Variants in CYP19A1 observed in about 807,000 individuals in gnomAD.
The protein encoded by CYP19A1 is aromatase.
In CYP19A1, 32 loss-of-function variants were observed where a neutral mutation model predicts 44.4. That is an observed-to-expected ratio of 0.72 (90% CI 0.54 to 0.97). The LOEUF is 0.97. Ranked by LOEUF, CYP19A1 falls within the 50% of genes least tolerant of loss-of-function variation. The pLI is 0.00. For synonymous variants in CYP19A1, 212 were observed against 215.6 expected, an observed-to-expected ratio of 0.98 and a Z score of 0.14; for missense variants, 598 against 637.8, an observed-to-expected ratio of 0.94 and a Z score of 0.67.
chr15:51,319,086 C>T (rs2036482028), intron 1 of CYP19A1: 1 of 152,190 alleles, frequency 6.6e-6, no homozygotes, highest in Admixed American at 6.5e-5. Flanking sequence ...TGTCGTCAGC[C>T]CACACTATTC....
intron 1 of CYP19A1, among the ~76,000 whole-genome samples, chr15:51,294,281 C>T (rs1481002939): frequency 1.4e-5 from 2 of 143,318 alleles, no homozygotes; most frequent in Admixed American, 6.8e-5. Flanking sequence ...CGTCTCTGCC[C>T]GGCCGCCCAT....
intron 1 of CYP19A1, chr15:51,279,787 G>A (rs2035451497): frequency 6.6e-6 from 1 of 152,228 alleles, no homozygotes; most frequent in African/African-American, 2.4e-5. Flanking sequence ...TTGCTGCCTA[G>A]CACCTGCTAG....
chr15:51,336,714 AT>A (rs1246521479), intron 1 of CYP19A1, among the ~76,000 whole-genome samples: 1 of 152,208 alleles, frequency 6.6e-6, no homozygotes, highest in African/African-American at 2.4e-5. Context: ...AGCTGGAATC[AT>A]TTTTAAGGAC....
At chr15:51,294,505 C>A (rs79105237) in intron 1 of CYP19A1, among the ~76,000 whole-genome samples, 2 of 131,972 alleles carry the variant, frequency 1.5e-5, no homozygotes. Flanking sequence ...AGTGAGGAGC[C>A]CCTCCGCCCG....
intron 1 of CYP19A1, among the ~76,000 whole-genome samples, chr15:51,307,474 T>A (rs1157754080): frequency 6.6e-6 from 1 of 152,190 alleles, no homozygotes; most frequent in African/African-American, 2.4e-5. Context: ...CAGAATTAGC[T>A]CATGACTAAT....
chr15:51,283,207 T>C (rs1414353904), intron 1 of CYP19A1, among the ~76,000 whole-genome samples: 6 of 149,492 alleles, frequency 4.0e-5, no homozygotes, highest in Non-Finnish European at 7.5e-5. Context: ...CCGGAGGAAA[T>C]TAAAGAAAGG....
intron 1 of CYP19A1, among the ~76,000 whole-genome samples, chr15:51,247,634 G>A (rs2034122407): frequency 6.6e-6 from 1 of 152,046 alleles, no homozygotes; most frequent in Admixed American, 6.6e-5. Flanking sequence ...ACCATGCCCA[G>A]TTAATTTTTG....
intron 1 of CYP19A1, among the ~76,000 whole-genome samples, chr15:51,273,570 A>C (rs1039344410): frequency 4.6e-5 from 7 of 152,148 alleles, no homozygotes; most frequent in African/African-American, 1.7e-4. Flanking sequence ...CTGGAATGGG[A>C]GTCAAGAGAA....
intron 3 of CYP19A1, among the ~76,000 whole-genome samples, chr15:51,234,939 T>C (rs973256702): frequency 6.6e-6 from 1 of 152,036 alleles, no homozygotes; most frequent in Non-Finnish European, 1.5e-5. Flanking sequence ...TCTAGATAAA[T>C]ATCCTGGGGG....
chr15:51,248,594 A>T (rs915589289), intron 1 of CYP19A1, among the ~76,000 whole-genome samples: 3 of 152,222 alleles, frequency 2.0e-5, no homozygotes, highest in Non-Finnish European at 4.4e-5. Context: ...ATGAAAAGTC[A>T]AATTCTTCCC....
chr15:51,319,962 G>A (rs965542036), intron 1 of CYP19A1, among the ~76,000 whole-genome samples: 1 of 152,192 alleles, frequency 6.6e-6, no homozygotes, highest in Non-Finnish European at 1.5e-5. Context: ...CACCTTCTGA[G>A]GGTCACAGAG....
In CYP19A1 at chr15:51,281,431, G is replaced by A. The variant is rs553708627; in HGVS notation, c.-38-38481C>T. 2.8e-3 allele frequency among the ~76,000 whole-genome samples: 428 copies of A among 152,316 alleles called. 4 individuals are homozygous for A. In the South Asian group the frequency reaches 0.038, roughly 14 times the overall value. Reference sequence around the variant, plus strand: ...CAAGCCCTTTCAGGGGCCATGTCCTGGACAGAAACCTACCCTGAGGAGCCA... The same window carrying A: ...CAAGCCCTTTCAGGGGCCATGTCCTAGACAGAAACCTACCCTGAGGAGCCA... On this transcript the variant is annotated intron_variant, in intron 1 of 9. Coordinates refer to ENST00000396402, the MANE Select transcript of CYP19A1 (RefSeq NM_000103.4).
In CYP19A1 at chr15:51,208,931, A is replaced by C. The variant is rs886051273; in HGVS notation, c.*1877T>G. ...TGTCCCAAGAGTATTGGATGGGTGA[A>C]GTACATGGATCCAAAGTTGGGCTTC... On this transcript the variant is annotated 3_prime_UTR_variant, in exon 10 of 10. Coordinates refer to ENST00000396402, the MANE Select transcript of CYP19A1 (RefSeq NM_000103.4). 1.3e-5 allele frequency: 2 copies of C among 152,184 alleles called. No homozygotes were observed. The allele number at this position is 152,184 out of a possible 1,614,324, so 9.4% of individuals were successfully genotyped here. A position where few individuals can be genotyped will look rare whatever the true frequency, so the allele number is the denominator to read the frequency against.
chr15:51,243,351 C>T (rs2033893542), intron 1 of CYP19A1, among the ~76,000 whole-genome samples: 1 of 152,174 alleles, frequency 6.6e-6, no homozygotes, highest in South Asian at 2.1e-4. Flanking sequence ...CAATCTTCTT[C>T]CCTTGAAGCC....
At chr15:51,214,962 GC>G in intron 8 of CYP19A1, 107 bp downstream of exon 8, 1 of 1,506,540 alleles carries the variant, frequency 6.6e-7, no homozygotes. Flanking sequence ...ATTGTTTGGA[GC>G]AAATTATAAA....
At chr15:51,221,440 G>T (rs1280529677) in intron 5 of CYP19A1, 1 of 152,142 alleles carries the variant, frequency 6.6e-6, no homozygotes, top group Non-Finnish European at 1.5e-5. Context: ...TGTGGATAAA[G>T]GTCACAATGG....
chr15:51,252,654 A>G (rs1350732466), intron 1 of CYP19A1, among the ~76,000 whole-genome samples: 1 of 152,210 alleles, frequency 6.6e-6, no homozygotes. Flanking sequence ...GAGGGCATCA[A>G]GGCTCATGGA....
At chr15:51,304,392 G>T (rs1029585625) in intron 1 of CYP19A1, among the ~76,000 whole-genome samples, 1 of 152,104 alleles carries the variant, frequency 6.6e-6, no homozygotes, top group Non-Finnish European at 1.5e-5. Context: ...CATGGCTTGT[G>T]CTTCTCCCTA....
At chr15:51,235,314 C>T (rs1249870969) in intron 3 of CYP19A1, among the ~76,000 whole-genome samples, 1 of 152,154 alleles carries the variant, frequency 6.6e-6, no homozygotes, top group African/African-American at 2.4e-5. Context: ...TGTTAAAACA[C>T]GGATCGCGGG....
Sources: gnomAD v4.1 joint callset for allele counts (sites outside exome capture counted in the v4.1 genomes callset) on GRCh38, gnomAD v4.1.1 for gene constraint, MANE v1.5 for transcripts, NCBI Gene and HGNC (gene_info 2026-07-23, HGNC 2026-07-21) for gene names.